LRCH1: variants seen among roughly 807,000 people sequenced by gnomAD.
LRCH1 encodes the protein leucine rich repeats and calponin homology domain containing 1.
LRCH1 carries 23 observed loss-of-function variants against 94.9 expected under a neutral mutation model. The observed-to-expected ratio is 0.24, with a 90% CI of 0.17 to 0.34. The LOEUF (loss-of-function observed/expected upper bound fraction) is 0.34. LRCH1 is among the 10% of genes least tolerant of loss of function. The pLI, the probability that LRCH1 is intolerant of heterozygous loss-of-function variation, is 1.00. For missense variants in LRCH1, 790 were observed against 945.9 expected, an observed-to-expected ratio of 0.84 and a Z score of 2.16; for synonymous variants, 364 against 354.9, an observed-to-expected ratio of 1.03 and a Z score of -0.29.
At chr13:46,659,522 C>G (rs894877093) in intron 2 of LRCH1, among the ~76,000 whole-genome samples, 1 of 152,056 alleles carries the variant, frequency 6.6e-6, no homozygotes. Flanking sequence ...TCACCACATA[C>G]AAGAATTGTG....
chr13:46,731,841 G>A (rs919584037), intron 18 of LRCH1, among the ~76,000 whole-genome samples: 4 of 152,038 alleles, frequency 2.6e-5, no homozygotes, highest in Non-Finnish European at 5.9e-5. Context: ...GTTCTTCAGC[G>A]TCACTAGCTC....
chr13:46,730,200 A>C (rs1242505535), intron 18 of LRCH1, among the ~76,000 whole-genome samples: 1 of 152,236 alleles, frequency 6.6e-6, no homozygotes, highest in African/African-American at 2.4e-5. Context: ...GTTTGGATTA[A>C]AATTCTAAAA....
chr13:46,706,773 A>C (rs1229557201), intron 13 of LRCH1, among the ~76,000 whole-genome samples: 1 of 152,002 alleles, frequency 6.6e-6, no homozygotes, highest in Non-Finnish European at 1.5e-5. Flanking sequence ...AAAAATTTGC[A>C]GTGTTCTACA....
chr13:46,647,522 A>G (rs1310991259), intron 1 of LRCH1, among the ~76,000 whole-genome samples: 2 of 152,066 alleles, frequency 1.3e-5, no homozygotes, highest in Non-Finnish European at 2.9e-5. Context: ...AAATTTGCCT[A>G]TTAGGTTTAG....
intron 18 of LRCH1, 94 bp from the exon 19 acceptor site, chr13:46,733,827 T>C: frequency 1.5e-6 from 1 of 683,610 alleles, no homozygotes; most frequent in Non-Finnish European, 2.4e-6. Context: ...AAACATGTAT[T>C]GCTTGTGCCA....
intron 10 of LRCH1, among the ~76,000 whole-genome samples, chr13:46,700,474 A>C (rs1356299427): frequency 1.3e-5 from 2 of 152,202 alleles, no homozygotes; most frequent in African/African-American, 2.4e-5. Context: ...ATCATAGGGA[A>C]AGAGGCACTT....
At chr13:46,731,124 C>CTTTTT (rs34512042) in intron 18 of LRCH1, among the ~76,000 whole-genome samples, 1 of 127,852 alleles carries the variant, frequency 7.8e-6, no homozygotes, top group African/African-American at 2.9e-5. Flanking sequence ...TTACTATAAG[C>CTTTTT]TTTTTTTTTT....
chr13:46,592,312 C>T (rs1352570224), intron 1 of LRCH1, among the ~76,000 whole-genome samples: 1 of 152,148 alleles, frequency 6.6e-6, no homozygotes, highest in Non-Finnish European at 1.5e-5. Flanking sequence ...TGCTTATGGC[C>T]CCCAAAACTG....
At chr13:46,557,400 G>C (rs1264131276) in intron 1 of LRCH1, among the ~76,000 whole-genome samples, 1 of 150,956 alleles carries the variant, frequency 6.6e-6, no homozygotes, top group Non-Finnish European at 1.5e-5. Flanking sequence ...ATCTTTTTGA[G>C]TTGGCTCTAA....
At position 46,556,726 on chromosome 13, in the gene LRCH1, C is replaced by T. The variant is rs188380755; in HGVS notation, c.307+3023C>T. On this transcript the variant is annotated intron_variant, in intron 1 of 19. Transcript: ENST00000389797. ...AACCGGTGATTGGAACCCTGGCAGC[C>T]TCACGTTAATTCATGTTCTTGACCA... Among the ~76,000 whole-genome samples, 420 of 152,242 alleles carry T rather than the reference C, an allele frequency of 2.8e-3. 1 individual carries two copies. Among genetic ancestry groups the T allele is most frequent in the African/African-American group, 9.6e-3 (397 of 41,526 alleles).
chr13:46,739,886 A>G (rs1215023367), intron 19 of LRCH1, among the ~76,000 whole-genome samples: 1 of 152,202 alleles, frequency 6.6e-6, no homozygotes, highest in Non-Finnish European at 1.5e-5. Context: ...TGAGGAGTGT[A>G]CTACTGAAAA....
chr13:46,654,358 C>T (rs79493324), intron 2 of LRCH1, among the ~76,000 whole-genome samples: 1 of 152,192 alleles, frequency 6.6e-6, no homozygotes. Context: ...TCTGCTCCTC[C>T]TGGATATTAT....
intron 4 of LRCH1, 40 bp downstream of exon 4, chr13:46,681,886 T>A (rs774099546): frequency 7.6e-7 from 1 of 1,313,766 alleles, no homozygotes; most frequent in Non-Finnish European, 1.1e-6. Context: ...ATGGGAGACT[T>A]GCATTATTTT....
chr13:46,656,560 C>A (rs2051372037), intron 2 of LRCH1, among the ~76,000 whole-genome samples: 1 of 152,136 alleles, frequency 6.6e-6, no homozygotes, highest in Non-Finnish European at 1.5e-5. Flanking sequence ...AGAAAGACAC[C>A]AAAAACACAG....
At chr13:46,594,507 C>T (rs1291697210) in intron 1 of LRCH1, among the ~76,000 whole-genome samples, 1 of 151,914 alleles carries the variant, frequency 6.6e-6, no homozygotes, top group African/African-American at 2.4e-5. Flanking sequence ...GCTTAGACCT[C>T]TAGCCACTGT....
intron 16 of LRCH1, among the ~76,000 whole-genome samples, chr13:46,720,426 C>A (rs1302798526): frequency 6.6e-6 from 1 of 152,150 alleles, no homozygotes; most frequent in African/African-American, 2.4e-5. Flanking sequence ...CTCTTCACCT[C>A]TTTCAACACA....
intron 9 of LRCH1, among the ~76,000 whole-genome samples, chr13:46,696,195 T>TACACACAC (rs10553999): frequency 2.1e-4 from 31 of 147,200 alleles, no homozygotes; most frequent in African/African-American, 6.7e-4. Flanking sequence ...TGCATGTGTG[T>TACACACAC]ACACACACAC....
chr13:46,684,355 G>C (rs1370439371), intron 4 of LRCH1, among the ~76,000 whole-genome samples: 2 of 151,562 alleles, frequency 1.3e-5, no homozygotes, highest in African/African-American at 4.9e-5. Context: ...GATGGCAATT[G>C]TGTCCCAAAC....
At position 46,712,763 on chromosome 13, in the gene LRCH1, G is replaced by A. The variant is rs371625987; in HGVS notation, c.1654+166G>A. ...CAGAGTTTGTAGCTTTGTTTTCAGT[G>A]AATCAGCTAAGTCCGTGTTATCAGT... is the stretch of plus-strand genomic sequence containing the variant. On this transcript the variant is annotated intron_variant, in intron 15 of 19. Coordinates refer to ENST00000389797, the MANE Select transcript of LRCH1 (RefSeq NM_001164211.2). Among the ~76,000 whole-genome samples the A allele has an allele frequency of 4.6e-5, 7 of 152,300 alleles. No homozygotes were observed. The East Asian group carries it at 1.3e-3, about 29-fold the overall frequency.
Sources: gnomAD v4.1 joint callset for allele counts (sites outside exome capture counted in the v4.1 genomes callset) on GRCh38, gnomAD v4.1.1 for gene constraint, MANE v1.5 for transcripts, NCBI Gene and HGNC (gene_info 2026-07-23, HGNC 2026-07-21) for gene names.